The following DGKI variants were observed in gnomAD, a reference collection of about 807,000 sequenced individuals.
DGKI encodes DAG kinase iota.
A neutral mutation model predicts 147.5 loss-of-function variants in DGKI; 55 were observed. The observed-to-expected ratio is 0.37, with a 90% CI of 0.30 to 0.47. The LOEUF is 0.47. DGKI is among the 20% of genes least tolerant of loss of function. The probability of loss-of-function intolerance (pLI) is 1.00; values close to 1 mark genes in which losing one functional copy is unlikely to be tolerated. For missense variants in DGKI, 1,007 were observed against 1,323.8 expected, an observed-to-expected ratio of 0.76 and a Z score of 3.71; for synonymous variants, 469 against 477.1, an observed-to-expected ratio of 0.98 and a Z score of 0.22.
chr7:137,652,516 A>C lies in DGKI; in HGVS notation c.738+2216T>G, dbSNP rs145946470. 2.3e-3 allele frequency among the ~76,000 whole-genome samples: 356 copies of C among 152,248 alleles called. 2 individuals are homozygous for C. The highest frequency in any genetic ancestry group is 7.9e-3 in the African/African-American group (330 of 41,538). The stretch of plus-strand genomic sequence containing the variant: ...GTTTCCTAAATAAAGCACCTCCTTC[A>C]ATTGAGTCACCACTGAATTACCTTC... On this transcript the variant is annotated intron_variant, in intron 5 of 32. Transcript: ENST00000614521.
intron 1 of DGKI, among the ~76,000 whole-genome samples, chr7:137,729,178 T>C (rs550263753): frequency 2.1e-4 from 32 of 151,998 alleles, no homozygotes; most frequent in Non-Finnish European, 4.0e-4. Context: ...AAGAAAAAAA[T>C]ACTGCCTACT....
chr7:137,721,788 C>T (rs1468184604), intron 1 of DGKI, among the ~76,000 whole-genome samples: 8 of 152,118 alleles, frequency 5.3e-5, no homozygotes, highest in Admixed American at 5.2e-4. Context: ...TCTTATATGC[C>T]CAGTCTGTGC....
chr7:137,744,762 T>A (rs1319808024), intron 1 of DGKI, among the ~76,000 whole-genome samples: 1 of 152,154 alleles, frequency 6.6e-6, no homozygotes, highest in Non-Finnish European at 1.5e-5. Flanking sequence ...TAAGCGTGAT[T>A]TACCACATAA....
At chr7:137,632,979 G>A (rs553288961) in intron 6 of DGKI, among the ~76,000 whole-genome samples, 7 of 151,852 alleles carry the variant, frequency 4.6e-5, no homozygotes, top group Non-Finnish European at 1.0e-4. Context: ...TTGGGAGGCC[G>A]AGGTGGGCAG....
At chr7:137,774,156 T>C (rs986544105) in intron 1 of DGKI, among the ~76,000 whole-genome samples, 1 of 152,200 alleles carries the variant, frequency 6.6e-6, no homozygotes, top group Non-Finnish European at 1.5e-5. Context: ...TTTATAATTT[T>C]ATATAATTTT....
At chr7:137,731,518 A>C (rs1302067736) in intron 1 of DGKI, among the ~76,000 whole-genome samples, 1 of 152,028 alleles carries the variant, frequency 6.6e-6, no homozygotes, top group Non-Finnish European at 1.5e-5. Flanking sequence ...CTTCATCATC[A>C]TTATGTGCCT....
chr7:137,518,029 A>G (rs2128950891), intron 21 of DGKI, among the ~76,000 whole-genome samples: 1 of 152,242 alleles, frequency 6.6e-6, no homozygotes, highest in South Asian at 2.1e-4. Flanking sequence ...GCCTCAAGCC[A>G]GGAAGAGTTC....
intron 28 of DGKI, among the ~76,000 whole-genome samples, chr7:137,423,270 A>G (rs1812651647): frequency 6.6e-6 from 1 of 152,206 alleles, no homozygotes; most frequent in African/African-American, 2.4e-5. Flanking sequence ...GTTACAGAGA[A>G]GCACAGAGAA....
chr7:137,660,230 G>A (rs1470631306), intron 3 of DGKI, among the ~76,000 whole-genome samples: 4 of 152,230 alleles, frequency 2.6e-5, no homozygotes, highest in Admixed American at 2.6e-4. Flanking sequence ...GGTGGGCAGA[G>A]GGGGGAACAT....
chr7:137,656,224 A>T (rs1342542113), intron 4 of DGKI, among the ~76,000 whole-genome samples: 2 of 152,204 alleles, frequency 1.3e-5, no homozygotes, highest in East Asian at 3.8e-4. Flanking sequence ...TTTTCCATCT[A>T]ACTGTGTTCT....
At chr7:137,432,410 A>G (rs902665255) in intron 28 of DGKI, among the ~76,000 whole-genome samples, 4 of 152,160 alleles carry the variant, frequency 2.6e-5, no homozygotes, top group African/African-American at 4.8e-5. Flanking sequence ...AAAAAAATCT[A>G]TATGCCCATT....
At chr7:137,651,972 A>G (rs1481330702) in intron 5 of DGKI, among the ~76,000 whole-genome samples, 2 of 152,222 alleles carry the variant, frequency 1.3e-5, no homozygotes, top group African/African-American at 4.8e-5. Context: ...TGGGTAGAGT[A>G]GATATCAGAT....
intron 10 of DGKI, among the ~76,000 whole-genome samples, chr7:137,607,198 G>T (rs1820212018): frequency 6.6e-6 from 1 of 152,148 alleles, no homozygotes; most frequent in African/African-American, 2.4e-5. Context: ...CCATGTCCAT[G>T]ACACCATTTC....
At chr7:137,690,226 A>T (rs1823559778) in intron 1 of DGKI, among the ~76,000 whole-genome samples, 1 of 152,196 alleles carries the variant, frequency 6.6e-6, no homozygotes, top group South Asian at 2.1e-4. Flanking sequence ...CACTGTGGGG[A>T]AATAGTGCTT....
intron 20 of DGKI, among the ~76,000 whole-genome samples, chr7:137,529,657 A>G (rs1744078300): frequency 6.6e-6 from 1 of 152,182 alleles, no homozygotes; most frequent in Admixed American, 6.5e-5. Flanking sequence ...GATATTTCAA[A>G]TTCTTCTGGC....
At position 137,678,575 on chromosome 7, in the gene DGKI, GTTCTCCTC is replaced by G; in HGVS notation, c.580_587del (p.Glu194LeufsTer18). 6.2e-7 allele frequency: 1 copy of G among 1,614,082 alleles called. No homozygotes were observed. Among genetic ancestry groups the G allele is most frequent in the Non-Finnish European group, 8.5e-7 (1 of 1,179,992 alleles). ...CACTCACTGCAAATCTGACTTGGCA[GTTCTCCTC>G]TCCAAGGTAGCAGAGGTCTCCCGAG... is the stretch of plus-strand genomic sequence containing the variant. On this transcript the variant is annotated frameshift_variant, in exon 3 of 33. Coordinates refer to ENST00000614521, the MANE Select transcript of DGKI (RefSeq NM_001321708.2). LOFTEE classifies it high-confidence loss of function.
intron 3 of DGKI, among the ~76,000 whole-genome samples, chr7:137,659,746 C>A (rs1419101440): frequency 6.6e-6 from 1 of 152,156 alleles, no homozygotes; most frequent in Non-Finnish European, 1.5e-5. Context: ...TCCTGGCTAA[C>A]ACAGTGAAAG....
At chr7:137,818,644 T>C (rs1438367108) in intron 1 of DGKI, among the ~76,000 whole-genome samples, 2 of 152,132 alleles carry the variant, frequency 1.3e-5, no homozygotes, top group Non-Finnish European at 2.9e-5. Flanking sequence ...GGTTTCACCA[T>C]GTTGGTCAGC....
At chr7:137,769,465 A>G (rs1796119087) in intron 1 of DGKI, among the ~76,000 whole-genome samples, 1 of 152,246 alleles carries the variant, frequency 6.6e-6, no homozygotes, top group Non-Finnish European at 1.5e-5. Flanking sequence ...ACAAAAGCCA[A>G]AATTGACAAA....
Sources: gnomAD v4.1 joint callset for allele counts (sites outside exome capture counted in the v4.1 genomes callset) on GRCh38, gnomAD v4.1.1 for gene constraint, MANE v1.5 for transcripts, NCBI Gene and HGNC (gene_info 2026-07-23, HGNC 2026-07-21) for gene names.